CSMD1: variants seen among roughly 807,000 people sequenced by gnomAD.
CSMD1 encodes the protein CUB and sushi domain-containing protein 1.
In CSMD1, 213 loss-of-function variants were observed where a neutral mutation model predicts 417.5. The observed-to-expected ratio is 0.51, with a 90% CI of 0.46 to 0.57. CSMD1 has a LOEUF of 0.57. CSMD1 is among the 20% of genes least tolerant of loss of function. The pLI is 0.00. For synonymous variants in CSMD1, 2,862 were observed against 1,736.8 expected, an observed-to-expected ratio of 1.65 and a Z score of -16.11; for missense variants, 6,923 against 4,529.7, an observed-to-expected ratio of 1.53 and a Z score of -15.17.
chr8:3,556,547 CACACCCT>C (rs1563150253), intron 10 of CSMD1, among the ~76,000 whole-genome samples: 2 of 56,564 alleles, frequency 3.5e-5, no homozygotes, highest in Non-Finnish European at 8.3e-5. Flanking sequence ...CACACACACA[CACACCCT>C]CTCTCTCTTT....
At chr8:4,402,842 A>AC (rs1484501533) in intron 3 of CSMD1, among the ~76,000 whole-genome samples, 2 of 101,244 alleles carry the variant, frequency 2.0e-5, no homozygotes, top group Non-Finnish European at 3.6e-5. Context: ...TTTTTTGGAG[A>AC]CAGAGCCTTG....
intron 1 of CSMD1, among the ~76,000 whole-genome samples, chr8:4,941,501 G>A (rs11786804): frequency 0.51 from 77,200 of 151,902 alleles, 20,963 homozygotes; most frequent in East Asian, 0.79. Context: ...AGAATCAACA[G>A]TTATCTACAC....
At chr8:3,650,177 G>A (rs774733077) in intron 7 of CSMD1, among the ~76,000 whole-genome samples, 20 of 152,104 alleles carry the variant, frequency 1.3e-4, no homozygotes, top group Non-Finnish European at 2.1e-4. Context: ...TATTGGGGAG[G>A]CTGAGGTAGG....
intron 39 of CSMD1, among the ~76,000 whole-genome samples, chr8:3,154,925 C>T (rs1027185907): frequency 1.3e-5 from 2 of 152,040 alleles, no homozygotes; most frequent in Admixed American, 1.3e-4. Context: ...AAGCTAACAG[C>T]TACAAAAAAC....
At chr8:3,250,262 T>C (rs563761295) in intron 26 of CSMD1, among the ~76,000 whole-genome samples, 2 of 152,278 alleles carry the variant, frequency 1.3e-5, no homozygotes, top group East Asian at 1.9e-4. Context: ...CCTGTGTCCA[T>C]GTGTACTCAT....
At chr8:4,265,032 G>A (rs965392504) in intron 3 of CSMD1, among the ~76,000 whole-genome samples, 1 of 152,084 alleles carries the variant, frequency 6.6e-6, no homozygotes, top group Non-Finnish European at 1.5e-5. Flanking sequence ...TTAAGTTAAT[G>A]TTGCTGAGGT....
intron 1 of CSMD1, among the ~76,000 whole-genome samples, chr8:4,978,834 A>T (rs1460277873): frequency 1.3e-5 from 2 of 151,724 alleles, no homozygotes; most frequent in South Asian, 2.1e-4. Flanking sequence ...GCTACTCGGG[A>T]GGTTGAGGCA....
At chr8:4,077,943 C>T (rs934503042) in intron 3 of CSMD1, among the ~76,000 whole-genome samples, 1 of 152,100 alleles carries the variant, frequency 6.6e-6, no homozygotes, top group Admixed American at 6.5e-5. Context: ...CCTTTACATA[C>T]CCATACTCGC....
intron 10 of CSMD1, among the ~76,000 whole-genome samples, chr8:3,562,685 T>C (rs1344856357): frequency 1.3e-5 from 2 of 151,886 alleles, no homozygotes; most frequent in South Asian, 2.1e-4. Flanking sequence ...GACACTATTA[T>C]AGTTAATAAT....
Position 3,024,250 on chromosome 8 carries a change from T to C in CSMD1, c.7855+5069A>G, listed in dbSNP as rs184796993. Among the ~76,000 whole-genome samples the C allele has an allele frequency of 8.8e-4, 133 of 151,770 alleles. 1 individual carries two copies. The highest frequency in any genetic ancestry group is 3.0e-3 in the African/African-American group (126 of 41,320). On this transcript the variant is annotated intron_variant, in intron 51 of 69. Transcript: ENST00000635120. ...AAATGAATTAATGTGTTTATTGATT[T>C]TTTTCTTGTAGATCCCAGATAATGT...
At chr8:3,813,000 T>C (rs1196880518) in intron 5 of CSMD1, among the ~76,000 whole-genome samples, 1 of 152,074 alleles carries the variant, frequency 6.6e-6, no homozygotes, top group Non-Finnish European at 1.5e-5. Context: ...TGGAATTAAC[T>C]CTTAGATTAC....
intron 3 of CSMD1, among the ~76,000 whole-genome samples, chr8:4,095,739 G>A (rs1276545580): frequency 6.6e-6 from 1 of 152,128 alleles, no homozygotes; most frequent in Non-Finnish European, 1.5e-5. Flanking sequence ...AAGTCACGTA[G>A]TTTTATTTCT....
At chr8:3,323,312 C>T (rs1401564789) in intron 23 of CSMD1, among the ~76,000 whole-genome samples, 1 of 151,906 alleles carries the variant, frequency 6.6e-6, no homozygotes, top group African/African-American at 2.4e-5. Flanking sequence ...AATAATCTAC[C>T]CTTCCCCATT....
chr8:4,952,564 C>T (rs7818908), intron 1 of CSMD1, among the ~76,000 whole-genome samples: 123,961 of 151,990 alleles, frequency 0.82, 50,730 homozygotes, highest in Admixed American at 0.87. Flanking sequence ...TAAATTTTCA[C>T]TTTAAAATTA....
At chr8:4,148,474 G>A (rs537550331) in intron 3 of CSMD1, among the ~76,000 whole-genome samples, 66 of 151,882 alleles carry the variant, frequency 4.3e-4, no homozygotes, top group African/African-American at 1.5e-3. Flanking sequence ...CATATGTAAC[G>A]AACCTGCACA....
At chr8:3,717,426 C>CT (rs200563342) in intron 6 of CSMD1, among the ~76,000 whole-genome samples, 36 of 130,302 alleles carry the variant, frequency 2.8e-4, no homozygotes, top group African/African-American at 7.7e-4. Context: ...CCATGAAATG[C>CT]TTTTTTTATC....
intron 1 of CSMD1, among the ~76,000 whole-genome samples, chr8:4,679,673 A>G (rs915421870): frequency 2.0e-5 from 3 of 152,182 alleles, no homozygotes; most frequent in Non-Finnish European, 2.9e-5. Context: ...ATCAAACAAC[A>G]TAACTATCTA....
chr8:3,546,397 T>G (rs151301598), intron 10 of CSMD1, among the ~76,000 whole-genome samples: 7,188 of 151,856 alleles, frequency 0.047, 486 homozygotes, highest in African/African-American at 0.15. Context: ...TTAGCTGGGT[T>G]TGGTGGCATA....
At chr8:4,990,242 A>G (rs1180381982) in intron 1 of CSMD1, among the ~76,000 whole-genome samples, 1 of 152,214 alleles carries the variant, frequency 6.6e-6, no homozygotes, top group Non-Finnish European at 1.5e-5. Flanking sequence ...AGCACTGAAA[A>G]GCTTTCCGCT....
Sources: allele counts gnomAD v4.1 joint callset (sites outside exome capture counted in the v4.1 genomes callset), GRCh38; gene constraint gnomAD v4.1.1; transcripts MANE v1.5; gene names NCBI Gene and HGNC (gene_info 2026-07-23, HGNC 2026-07-21).